NFKB1: variants seen among roughly 807,000 people sequenced by gnomAD.
NFKB1 encodes nuclear factor NF-kappa-B p105 subunit.
In NFKB1, 9 loss-of-function variants were observed where a neutral mutation model predicts 105.1. The observed-to-expected ratio is 0.09, with a 90% CI of 0.05 to 0.15. The LOEUF (loss-of-function observed/expected upper bound fraction) is 0.15. Among genes scored for constraint, NFKB1 ranks in the 10% least tolerant of loss-of-function variants. The probability of loss-of-function intolerance (pLI) is 1.00; values close to 1 mark genes in which losing one functional copy is unlikely to be tolerated. For missense variants in NFKB1, 830 were observed against 1,203.7 expected (o/e 0.69, Z 4.59); for synonymous variants, 440 against 442.2 (o/e 1.00, Z 0.06).
intron 1 of NFKB1, among the ~76,000 whole-genome samples, chr4:102,515,970 T>C (rs920675913): frequency 6.6e-6 from 1 of 152,202 alleles, no homozygotes; most frequent in Non-Finnish European, 1.5e-5. Context: ...TACTTGAAAA[T>C]GTCAATTTCA....
chr4:102,593,494 G>A lies in NFKB1; in HGVS notation c.1136G>A (p.Ser379Asn), dbSNP rs761774576. 3.7e-6 allele frequency: 6 copies of A among 1,613,722 alleles called. No homozygotes were observed. The highest frequency in any genetic ancestry group is 3.3e-5 in the Admixed American group (2 of 59,992). The change falls in exon 12 of 24, where the codon AGT becomes AAT. Residue 379 changes from serine (S) to asparagine (N), a missense_variant. Ser to Asn is a conservative substitution (Grantham distance 46, BLOSUM62 1). This residue lies in a region of NFKB1 where 163 missense variants were observed against 164.3 expected (regional missense o/e 0.99). Transcript: ENST00000226574. ...TTTTCGGATAGTTTCGGCGGTGGTA[G>A]TGGTGCTGGAGCTGGAGGCGGAGGC... ...PNFSDSFGGG[S>N]GAGAGGGGMF... is the part of the protein sequence containing the mutation.
chr4:102,585,897 G>A (rs1032879071), intron 11 of NFKB1, among the ~76,000 whole-genome samples: 4 of 152,100 alleles, frequency 2.6e-5, no homozygotes, highest in African/African-American at 7.2e-5. Flanking sequence ...TATGCAGAGG[G>A]AAAAAAGTGT....
rs899286983 is a variant in NFKB1 at position 102,591,456 on chromosome 4, G to T, written c.1067-1969G>T. Reference sequence around the variant, plus strand: ...AAAAAAAGGCAGACTTTCTCATTAGGAGTTAATGCAGCTGGTGACTTTAAA... The same window carrying T: ...AAAAAAAGGCAGACTTTCTCATTAGTAGTTAATGCAGCTGGTGACTTTAAA... On this transcript the variant is annotated intron_variant, in intron 11 of 23. Coordinates refer to ENST00000226574, the MANE Select transcript of NFKB1 (RefSeq NM_003998.4). Among the ~76,000 whole-genome samples, 15 of 150,566 alleles carry T rather than the reference G, an allele frequency of 1.0e-4. No homozygotes were observed. In the South Asian group the frequency reaches 1.5e-3, roughly 15 times the overall value.
chr4:102,507,586 G>A (rs886520713), intron 1 of NFKB1, among the ~76,000 whole-genome samples: 2 of 152,084 alleles, frequency 1.3e-5, no homozygotes, highest in Non-Finnish European at 2.9e-5. Context: ...ACAGGCGTGA[G>A]CCACCTAGCT....
At chr4:102,585,958 G>T (rs2149194166) in intron 11 of NFKB1, among the ~76,000 whole-genome samples, 1 of 152,268 alleles carries the variant, frequency 6.6e-6, no homozygotes, top group South Asian at 2.1e-4. Flanking sequence ...GAAGGCCAGG[G>T]CCAGGCTAAA....
chr4:102,577,834 C>G lies in NFKB1; in HGVS notation c.571+795C>G, dbSNP rs993059597. Reference sequence around the variant, plus strand: ...CACACTACATTCCATTTTCATTGTTCCACTTATAGTAGTCTTCTCCCTGGT... The same window carrying G: ...CACACTACATTCCATTTTCATTGTTGCACTTATAGTAGTCTTCTCCCTGGT... On this transcript the variant is annotated intron_variant, in intron 7 of 23. Coordinates refer to ENST00000226574, the MANE Select transcript of NFKB1 (RefSeq NM_003998.4). 4.1e-6 allele frequency: 4 copies of G among 985,424 alleles called. No homozygotes were observed. The African/African-American group carries it at 7.0e-5, about 17-fold the overall frequency. 61.0% of individuals were successfully genotyped at this position (985,424 alleles called of 1,614,324 possible). A position where few individuals can be genotyped will look rare whatever the true frequency, so the allele number is the denominator to read the frequency against.
intron 10 of NFKB1, among the ~76,000 whole-genome samples, 173 bp from the exon 11 acceptor site, chr4:102,584,509 C>T (rs904188236): frequency 6.6e-6 from 1 of 152,022 alleles, no homozygotes; most frequent in Non-Finnish European, 1.5e-5. Context: ...AAAAATGTAT[C>T]GGTATAGAAT....
chr4:102,522,264 C>T (rs1318657677), intron 1 of NFKB1, among the ~76,000 whole-genome samples: 4 of 152,192 alleles, frequency 2.6e-5, no homozygotes, highest in African/African-American at 9.6e-5. Context: ...TTTCTTTTGA[C>T]ATTTCATTTT....
chr4:102,607,506 T>C (rs1727886845), intron 18 of NFKB1, 143 bp from the exon 19 acceptor site: 3 of 1,108,304 alleles, frequency 2.7e-6, no homozygotes, highest in Admixed American at 1.9e-5. Context: ...CATCTCTAAC[T>C]GGGGATTTCT....
chr4:102,568,377 T>C (rs1724049064), intron 6 of NFKB1, among the ~76,000 whole-genome samples: 1 of 152,224 alleles, frequency 6.6e-6, no homozygotes, highest in African/African-American at 2.4e-5. Flanking sequence ...CAACATCCTC[T>C]TGAAAGACTG....
intron 19 of NFKB1, among the ~76,000 whole-genome samples, chr4:102,608,538 T>C (rs1396377835): frequency 7.2e-5 from 11 of 152,236 alleles, no homozygotes; most frequent in Non-Finnish European, 1.6e-4. Flanking sequence ...CTGTGAAGTA[T>C]AGAAAATTAT....
chr4:102,578,373 G>A (rs1381137779), intron 7 of NFKB1: 2 of 155,826 alleles, frequency 1.3e-5, no homozygotes, highest in African/African-American at 4.8e-5. Flanking sequence ...CCAGCAGGAG[G>A]GAAGGAAACA....
At chr4:102,601,038 A>C in intron 16 of NFKB1, 29 bp downstream of exon 16, 1 of 1,333,534 alleles carries the variant, frequency 7.5e-7, no homozygotes, top group South Asian at 1.2e-5. Context: ...AAAACAACTG[A>C]AGAAAAATCT....
intron 4 of NFKB1, among the ~76,000 whole-genome samples, chr4:102,534,684 T>A (rs548352338): frequency 1.3e-5 from 2 of 152,318 alleles, no homozygotes; most frequent in Admixed American, 1.3e-4. Flanking sequence ...TCAGTAAATC[T>A]TTGGATGGAT....
intron 5 of NFKB1, among the ~76,000 whole-genome samples, chr4:102,565,375 T>C (rs1015862996): frequency 2.6e-5 from 4 of 152,112 alleles, no homozygotes; most frequent in Non-Finnish European, 4.4e-5. Flanking sequence ...TGTCCTTTGT[T>C]GACGAGTGAA....
At chr4:102,598,595 A>G (rs1726849466) in intron 15 of NFKB1, among the ~76,000 whole-genome samples, 1 of 152,228 alleles carries the variant, frequency 6.6e-6, no homozygotes, top group African/African-American at 2.4e-5. Context: ...GTTATACAGT[A>G]TGAGAGGAAC....
At chr4:102,549,789 C>T (rs1244088678) in intron 5 of NFKB1, among the ~76,000 whole-genome samples, 1 of 152,048 alleles carries the variant, frequency 6.6e-6, no homozygotes, top group Non-Finnish European at 1.5e-5. Context: ...TGGAGTTTTC[C>T]TTGACTCCTC....
At chr4:102,611,619 C>A (rs2149229374) in intron 20 of NFKB1, among the ~76,000 whole-genome samples, 1 of 152,324 alleles carries the variant, frequency 6.6e-6, no homozygotes, top group East Asian at 1.9e-4. Flanking sequence ...TCAATTTGAG[C>A]AAGTTTATAC....
At chr4:102,515,027 G>GT (rs1290863560) in intron 1 of NFKB1, among the ~76,000 whole-genome samples, 4 of 147,228 alleles carry the variant, frequency 2.7e-5, no homozygotes, top group Non-Finnish European at 4.5e-5. Context: ...CTTTAATCTT[G>GT]TTTTTTAAAA....
Sources: allele counts gnomAD v4.1 joint callset (sites outside exome capture counted in the v4.1 genomes callset), GRCh38; gene constraint gnomAD v4.1.1; regional missense constraint gnomAD v4.1.1; transcripts MANE v1.5; gene names NCBI Gene and HGNC (gene_info 2026-07-23, HGNC 2026-07-21).